MAF: variants seen among roughly 807,000 people sequenced by gnomAD.
MAF encodes the protein MAF bZIP transcription factor.
Under a neutral mutation model 22.0 loss-of-function variants are expected in MAF, and 10 were observed. The ratio of observed to expected loss-of-function variants is 0.45; its 90% CI spans 0.28 to 0.77. The LOEUF is 0.77. MAF is among the 30% of genes least tolerant of loss of function. The probability of loss-of-function intolerance (pLI) is 0.12; values close to 1 mark genes in which losing one functional copy is unlikely to be tolerated. For synonymous variants in MAF, 337 were observed against 255.8 expected, an observed-to-expected ratio of 1.32 and a Z score of -3.03; for missense variants, 544 against 548.4, an observed-to-expected ratio of 0.99 and a Z score of 0.08.
the MAF span, among the ~76,000 whole-genome samples, chr16:79,258,900 G>A: frequency 2.6e-5 from 4 of 152,146 alleles, no homozygotes; most frequent in Non-Finnish European, 5.9e-5. Context: ...ACTAGGGGAG[G>A]GAGGGTAGAG....
At chr16:79,372,594 G>A in the MAF span, among the ~76,000 whole-genome samples, 2 of 152,174 alleles carry the variant, frequency 1.3e-5, no homozygotes, top group Admixed American at 6.5e-5. Flanking sequence ...ACCTACTGGG[G>A]CATCTTATAA....
chr16:79,493,691 G>C, the MAF span, among the ~76,000 whole-genome samples: 5 of 152,308 alleles, frequency 3.3e-5, no homozygotes, highest in South Asian at 1.0e-3. Context: ...CAAAAGAGTT[G>C]ATAAAAGGGT....
the MAF span, among the ~76,000 whole-genome samples, chr16:79,580,746 T>C: frequency 1.3e-5 from 2 of 152,040 alleles, no homozygotes; most frequent in Non-Finnish European, 2.9e-5. Context: ...GTAAAGCTCA[T>C]GTAGCCTGTG....
At chr16:79,338,847 T>G in the MAF span, among the ~76,000 whole-genome samples, 1 of 152,150 alleles carries the variant, frequency 6.6e-6, no homozygotes, top group Non-Finnish European at 1.5e-5. Flanking sequence ...AGGGTTAGTG[T>G]GGGTGAGCTG....
At chr16:79,392,320 A>C in the MAF span, among the ~76,000 whole-genome samples, 1 of 143,978 alleles carries the variant, frequency 6.9e-6, no homozygotes, top group African/African-American at 2.6e-5. Flanking sequence ...AGAGAGAGGG[A>C]GGAGGAGGGG....
the MAF span, among the ~76,000 whole-genome samples, chr16:79,357,874 G>T: frequency 1.3e-5 from 2 of 152,200 alleles, no homozygotes; most frequent in Admixed American, 1.3e-4. Flanking sequence ...CCCCTTGCAT[G>T]GGTCTGCTGA....
the MAF span, among the ~76,000 whole-genome samples, chr16:79,546,418 G>A: frequency 6.6e-6 from 1 of 152,178 alleles, no homozygotes; most frequent in Non-Finnish European, 1.5e-5. Flanking sequence ...CTTGGGCTGG[G>A]AGAAGAGATA....
chr16:79,209,106 G>C, the MAF span, among the ~76,000 whole-genome samples: 1 of 152,200 alleles, frequency 6.6e-6, no homozygotes, highest in East Asian at 1.9e-4. Context: ...CCCAAGCCTA[G>C]TGGCAAAGGA....
chr16:79,500,767 C>A, the MAF span, among the ~76,000 whole-genome samples: 2 of 152,118 alleles, frequency 1.3e-5, no homozygotes, highest in Non-Finnish European at 2.9e-5. Context: ...AGTAGAGATG[C>A]AGACTGACTT....
chr16:79,327,565 G>C, the MAF span, among the ~76,000 whole-genome samples: 389 of 152,336 alleles, frequency 2.6e-3, 2 homozygotes, highest in African/African-American at 8.4e-3. Context: ...ACTTGCTATA[G>C]GTGAGTCAGC....
the MAF span, among the ~76,000 whole-genome samples, chr16:79,522,514 G>A: frequency 6.6e-6 from 1 of 152,206 alleles, no homozygotes; most frequent in African/African-American, 2.4e-5. Context: ...GACATAGGGT[G>A]ACTATCCTGT....
chr16:79,219,699 C>T, the MAF span, among the ~76,000 whole-genome samples: 1 of 152,100 alleles, frequency 6.6e-6, no homozygotes, highest in South Asian at 2.1e-4. Context: ...CACTCCAAGG[C>T]CATTTGTCTC....
the MAF span, among the ~76,000 whole-genome samples, chr16:79,337,406 C>G: frequency 6.6e-6 from 1 of 152,078 alleles, no homozygotes; most frequent in Admixed American, 6.5e-5. Flanking sequence ...TCTGTCTCTA[C>G]TAAAAATACA....
the MAF span, among the ~76,000 whole-genome samples, chr16:79,575,862 T>C: frequency 2.0e-5 from 3 of 152,184 alleles, no homozygotes; most frequent in African/African-American, 4.8e-5. Context: ...CACATTCTTA[T>C]ACTACCTCTG....
At chr16:79,328,568 C>T in the MAF span, among the ~76,000 whole-genome samples, 3 of 152,210 alleles carry the variant, frequency 2.0e-5, no homozygotes, top group Non-Finnish European at 4.4e-5. Flanking sequence ...AGCTAATTCT[C>T]TTCAGAGCCT....
At chr16:79,372,088 T>TTA in the MAF span, among the ~76,000 whole-genome samples, 92 of 150,124 alleles carry the variant, frequency 6.1e-4, no homozygotes, top group Non-Finnish European at 1.2e-3. Context: ...TTTTTTTTTT[T>TTA]ACCCCAAGTG....
the MAF span, among the ~76,000 whole-genome samples, chr16:79,558,366 G>A: frequency 6.6e-6 from 1 of 152,208 alleles, no homozygotes; most frequent in African/African-American, 2.4e-5. Flanking sequence ...TCAACCCACT[G>A]TCAAAGAAAT....
chr16:79,252,073 T>G, the MAF span, among the ~76,000 whole-genome samples: 1 of 152,256 alleles, frequency 6.6e-6, no homozygotes, highest in Non-Finnish European at 1.5e-5. Context: ...TGCAGAAACC[T>G]AACAATATTA....
chr16:79,296,492 G>C, the MAF span, among the ~76,000 whole-genome samples: 1 of 152,030 alleles, frequency 6.6e-6, no homozygotes, highest in South Asian at 2.1e-4. Flanking sequence ...TAACAAACCT[G>C]CACCTGCTGC....
Sources: allele counts gnomAD v4.1 joint callset (sites outside exome capture counted in the v4.1 genomes callset), GRCh38; gene constraint gnomAD v4.1.1; transcripts MANE v1.5; gene names NCBI Gene and HGNC (gene_info 2026-07-23, HGNC 2026-07-21).